Variants in TBC1D5 observed in about 807,000 individuals in gnomAD.
TBC1D5 encodes TBC1 domain family member 5.
In TBC1D5, 75 loss-of-function variants were observed where a neutral mutation model predicts 100.3. The observed-to-expected ratio is 0.75, with a 90% CI of 0.62 to 0.91. The LOEUF (loss-of-function observed/expected upper bound fraction) is 0.91. Among genes scored for constraint, TBC1D5 ranks in the 40% least tolerant of loss-of-function variants. TBC1D5 has a pLI of 0.00. For missense variants in TBC1D5, 910 were observed against 942.4 expected, an observed-to-expected ratio of 0.97 and a Z score of 0.45; for synonymous variants, 323 against 325.6, an observed-to-expected ratio of 0.99 and a Z score of 0.09.
At chr3:17,315,630 G>GT (rs1159027811) in intron 13 of TBC1D5, among the ~76,000 whole-genome samples, 1 of 152,214 alleles carries the variant, frequency 6.6e-6, no homozygotes, top group East Asian at 1.9e-4. Context: ...TATCAGCTCT[G>GT]TGATGTAGTG....
chr3:17,186,815 G>A (rs146888759), intron 18 of TBC1D5, among the ~76,000 whole-genome samples: 82 of 148,186 alleles, frequency 5.5e-4, no homozygotes, highest in African/African-American at 2.0e-3. Flanking sequence ...GTGAAATGTC[G>A]ACTGTAGGAT....
chr3:17,725,612 G>T (rs183765887), intron 1 of TBC1D5, among the ~76,000 whole-genome samples: 1 of 152,074 alleles, frequency 6.6e-6, no homozygotes, highest in Admixed American at 6.6e-5. Flanking sequence ...CAAAGTAAAA[G>T]CTCCTCAGAA....
chr3:17,552,722 C>G (rs2096484562), intron 2 of TBC1D5, among the ~76,000 whole-genome samples: 1 of 151,906 alleles, frequency 6.6e-6, no homozygotes, highest in Non-Finnish European at 1.5e-5. Context: ...AGAATGGGGT[C>G]TATTTTAGAC....
chr3:17,612,339 T>C (rs1014788485), intron 2 of TBC1D5, among the ~76,000 whole-genome samples: 1 of 141,460 alleles, frequency 7.1e-6, no homozygotes, highest in African/African-American at 2.6e-5. Flanking sequence ...AGAAATAAAA[T>C]GAGTAGAGGC....
At chr3:17,568,609 T>C (rs1229837502) in intron 2 of TBC1D5, among the ~76,000 whole-genome samples, 1 of 151,622 alleles carries the variant, frequency 6.6e-6, no homozygotes, top group Non-Finnish European at 1.5e-5. Flanking sequence ...AAAATTTAAA[T>C]CTTAAGAAGA....
chr3:17,426,042 A>G (rs2094327570), intron 4 of TBC1D5, among the ~76,000 whole-genome samples: 1 of 152,088 alleles, frequency 6.6e-6, no homozygotes, highest in Non-Finnish European at 1.5e-5. Flanking sequence ...TGTAGGTTTC[A>G]GGCCTGCGTT....
chr3:17,281,364 T>C (rs1285393063), intron 15 of TBC1D5, among the ~76,000 whole-genome samples: 2 of 152,196 alleles, frequency 1.3e-5, no homozygotes, highest in Admixed American at 1.3e-4. Context: ...TTCCAAATCA[T>C]ATTAAGACAC....
intron 18 of TBC1D5, among the ~76,000 whole-genome samples, chr3:17,203,826 T>C (rs1259112520): frequency 6.6e-6 from 1 of 152,214 alleles, no homozygotes; most frequent in Non-Finnish European, 1.5e-5. Flanking sequence ...CTCTTTTCTT[T>C]ATAAATTACC....
chr3:17,543,954 A>C (rs892355502), intron 2 of TBC1D5, among the ~76,000 whole-genome samples: 1 of 150,006 alleles, frequency 6.7e-6, no homozygotes, highest in Admixed American at 6.7e-5. Flanking sequence ...TGCAACCTCC[A>C]CCTCCCAGGT....
intron 15 of TBC1D5, among the ~76,000 whole-genome samples, chr3:17,291,027 C>T (rs187675232): frequency 2.0e-5 from 3 of 152,202 alleles, no homozygotes; most frequent in Non-Finnish European, 2.9e-5. Flanking sequence ...CCAAGTTGAT[C>T]AGACAGAGCT....
chr3:17,347,582 C>T (rs1260681885), intron 13 of TBC1D5, among the ~76,000 whole-genome samples: 1 of 151,622 alleles, frequency 6.6e-6, no homozygotes, highest in South Asian at 2.1e-4. Flanking sequence ...ATAAACATGC[C>T]TCACTTTCTT....
At position 17,269,800 on chromosome 3, in the gene TBC1D5, C is replaced by G. The variant is rs1262467144; in HGVS notation, c.1246-11209G>C. Among the ~76,000 whole-genome samples, 454 of 152,246 alleles carry G rather than the reference C, an allele frequency of 3.0e-3. 4 individuals are homozygous for G. Among genetic ancestry groups the G allele is most frequent in the African/African-American group, 0.01 (430 of 41,560 alleles). On this transcript the variant is annotated intron_variant, in intron 15 of 21. Transcript: ENST00000253692. Reference sequence around the variant, plus strand: ...TTAGGACTATGGCCTCCAGCTACATCTATGTTGCTGTAAAGGACACAGTTT... The same window carrying G: ...TTAGGACTATGGCCTCCAGCTACATGTATGTTGCTGTAAAGGACACAGTTT...
rs150375343 is a variant in TBC1D5 at position 17,269,083 on chromosome 3, C to T, written c.1246-10492G>A. ...GATACTGAATTTCTTTAGCTACTTACACATAAGTACTTCAACATTTTAGTA... is the reference window on the plus strand; with the variant it reads ...GATACTGAATTTCTTTAGCTACTTATACATAAGTACTTCAACATTTTAGTA... On this transcript the variant is annotated intron_variant, in intron 15 of 21. Transcript: ENST00000253692. 1.6e-4 allele frequency among the ~76,000 whole-genome samples: 24 copies of T among 152,268 alleles called. No homozygotes were observed. The East Asian group carries it at 4.6e-3, about 29-fold the overall frequency.
At chr3:17,491,746 T>A (rs1232933521) in intron 3 of TBC1D5, among the ~76,000 whole-genome samples, 1 of 152,194 alleles carries the variant, frequency 6.6e-6, no homozygotes. Flanking sequence ...ATCAGGGATG[T>A]TGCCTTAAGT....
chr3:17,628,430 A>T (rs948305728), intron 1 of TBC1D5, among the ~76,000 whole-genome samples: 5 of 152,190 alleles, frequency 3.3e-5, no homozygotes, highest in Admixed American at 2.6e-4. Flanking sequence ...AGAAGAACAT[A>T]GAATTCACAG....
At chr3:17,492,889 C>G (rs2095656423) in intron 3 of TBC1D5, among the ~76,000 whole-genome samples, 1 of 152,208 alleles carries the variant, frequency 6.6e-6, no homozygotes, top group African/African-American at 2.4e-5. Context: ...ACTCTTTATT[C>G]AGCTTGCCAT....
At chr3:17,496,807 G>C (rs879721387) in intron 3 of TBC1D5, among the ~76,000 whole-genome samples, 3 of 152,074 alleles carry the variant, frequency 2.0e-5, no homozygotes, top group Non-Finnish European at 4.4e-5. Context: ...TCCTATCCTT[G>C]AGAAGAAACT....
At chr3:17,382,447 C>A (rs2092985254) in intron 9 of TBC1D5, among the ~76,000 whole-genome samples, 2 of 151,952 alleles carry the variant, frequency 1.3e-5, no homozygotes, top group South Asian at 4.1e-4. Flanking sequence ...CTCAGGTTAT[C>A]ACTGGAATGA....
At chr3:17,232,960 C>T (rs1253540296) in intron 17 of TBC1D5, among the ~76,000 whole-genome samples, 1 of 152,082 alleles carries the variant, frequency 6.6e-6, no homozygotes, top group Non-Finnish European at 1.5e-5. Flanking sequence ...CCATTTAACA[C>T]AGAAATCCTC....
Sources: allele counts gnomAD v4.1 joint callset (sites outside exome capture counted in the v4.1 genomes callset), GRCh38; gene constraint gnomAD v4.1.1; transcripts MANE v1.5; gene names NCBI Gene and HGNC (gene_info 2026-07-23, HGNC 2026-07-21).